Variants in DSCAM observed in about 807,000 individuals in gnomAD.
DSCAM encodes the protein cell adhesion molecule DSCAM.
DSCAM carries 47 observed loss-of-function variants against 217.7 expected under a neutral mutation model. That is an observed-to-expected ratio of 0.22 (90% confidence interval 0.17 to 0.28). The LOEUF (loss-of-function observed/expected upper bound fraction) is 0.28. Ranked by LOEUF, DSCAM falls within the 10% of genes least tolerant of loss-of-function variation. DSCAM has a pLI of 1.00. For synonymous variants in DSCAM, 1,056 were observed against 1,015.3 expected (o/e 1.04, Z -0.76); for missense variants, 2,080 against 2,618.3 (o/e 0.79, Z 4.49).
chr21:40,352,477 T>C (rs763560362), intron 5 of DSCAM, among the ~76,000 whole-genome samples: 4 of 152,152 alleles, frequency 2.6e-5, no homozygotes, highest in Non-Finnish European at 4.4e-5. Flanking sequence ...GTCATTTGGA[T>C]ATTTAATATA....
intron 1 of DSCAM, among the ~76,000 whole-genome samples, chr21:40,766,132 C>T (rs2091386381): frequency 6.6e-6 from 1 of 152,092 alleles, no homozygotes; most frequent in Non-Finnish European, 1.5e-5. Flanking sequence ...GCTCCGTCAA[C>T]TAGCAAAAGG....
chr21:40,714,485 C>A (rs2090819052), intron 1 of DSCAM, among the ~76,000 whole-genome samples: 1 of 152,166 alleles, frequency 6.6e-6, no homozygotes. Flanking sequence ...GGTTTCTTAT[C>A]CAGCTTTAAA....
intron 16 of DSCAM, among the ~76,000 whole-genome samples, chr21:40,158,866 T>G (rs1378559100): frequency 3.9e-5 from 6 of 152,236 alleles, no homozygotes; most frequent in Admixed American, 3.9e-4. Flanking sequence ...TTACAGGAAT[T>G]GAAAGAATTT....
intron 3 of DSCAM, among the ~76,000 whole-genome samples, chr21:40,382,631 G>A (rs62223809): frequency 0.032 from 4,804 of 152,208 alleles, 108 homozygotes; most frequent in African/African-American, 0.059. Flanking sequence ...ACAAGAACAC[G>A]CAAGGGTAGA....
At chr21:40,125,437 A>C (rs1377582992) in intron 19 of DSCAM, among the ~76,000 whole-genome samples, 1 of 152,222 alleles carries the variant, frequency 6.6e-6, no homozygotes, top group East Asian at 1.9e-4. Context: ...GGAGACATTG[A>C]AATTCAAACC....
At chr21:40,354,658 G>A (rs1439201999) in intron 4 of DSCAM, among the ~76,000 whole-genome samples, 1 of 151,922 alleles carries the variant, frequency 6.6e-6, no homozygotes, top group Admixed American at 6.5e-5. Context: ...GACCATCCCG[G>A]CTAACACGGT....
intron 16 of DSCAM, among the ~76,000 whole-genome samples, chr21:40,149,768 T>C (rs1253055321): frequency 7.0e-6 from 1 of 143,282 alleles, no homozygotes; most frequent in Admixed American, 7.0e-5. Flanking sequence ...TCCATCACTA[T>C]CCCAACACCA....
intron 11 of DSCAM, among the ~76,000 whole-genome samples, chr21:40,195,303 A>T (rs1400965880): frequency 6.6e-6 from 1 of 152,230 alleles, no homozygotes; most frequent in Non-Finnish European, 1.5e-5. Flanking sequence ...ATACATTTTT[A>T]TGGTTTTTGT....
intron 2 of DSCAM, among the ~76,000 whole-genome samples, chr21:40,699,504 AT>A (rs1310657678): frequency 6.6e-6 from 1 of 152,256 alleles, no homozygotes; most frequent in Admixed American, 6.5e-5. Context: ...CCTTTTGTGC[AT>A]TTAGCCGAGT....
intron 3 of DSCAM, among the ~76,000 whole-genome samples, chr21:40,595,504 A>T (rs1301051319): frequency 6.6e-6 from 1 of 151,714 alleles, no homozygotes; most frequent in Admixed American, 6.6e-5. Context: ...AGCCATCTCT[A>T]TTCGAAGGTG....
At chr21:40,823,995 A>G (rs980437345) in intron 1 of DSCAM, among the ~76,000 whole-genome samples, 5 of 152,232 alleles carry the variant, frequency 3.3e-5, no homozygotes, top group African/African-American at 1.2e-4. Context: ...CAGTAATTAA[A>G]CACACAAGGC....
At chr21:40,189,351 A>G (rs1314112886) in intron 11 of DSCAM, 113 bp from the exon 12 acceptor site, 8 of 915,270 alleles carry the variant, frequency 8.7e-6, no homozygotes, top group Non-Finnish European at 9.3e-6. Context: ...AATGAAATTT[A>G]TTCAAGAAAC....
intron 24 of DSCAM, among the ~76,000 whole-genome samples, chr21:40,080,711 C>T (rs2089443254): frequency 6.6e-6 from 1 of 152,144 alleles, no homozygotes; most frequent in Non-Finnish European, 1.5e-5. Flanking sequence ...GTTATTTTTG[C>T]AAGACACTCG....
At chr21:40,333,371 CGATT>C (rs1186038702) in intron 8 of DSCAM, among the ~76,000 whole-genome samples, 2 of 152,008 alleles carry the variant, frequency 1.3e-5, no homozygotes, top group East Asian at 1.9e-4. Flanking sequence ...ACTGATCGAT[CGATT>C]GATTGATTGA....
rs1465666155 is a variant in DSCAM at position 40,144,256 on chromosome 21, A to G, written c.3259+235T>C. Among the ~76,000 whole-genome samples, 7 of 152,210 alleles carry G rather than the reference A, an allele frequency of 4.6e-5. No homozygotes were observed. The highest frequency in any genetic ancestry group is 4.6e-4 in the Admixed American group (7 of 15,282). ...ATTCTTGTACCTGAAATGAATGAGG[A>G]AGAGTCTGAAAAGGGAGGGACTTGC... is the stretch of plus-strand genomic sequence containing the variant. On this transcript the variant is annotated intron_variant, in intron 17 of 32. Coordinates refer to ENST00000400454, the MANE Select transcript of DSCAM (RefSeq NM_001389.5). The surrounding 1 kb of genome is among the most constrained non-coding windows in gnomAD (Gnocchi z 4.8).
rs2073299409 is a variant in DSCAM, at chr21:40,251,201, G to A, written c.2356+24896C>T. On this transcript the variant is annotated intron_variant, in intron 11 of 32. Coordinates refer to ENST00000400454, the MANE Select transcript of DSCAM (RefSeq NM_001389.5). The stretch of plus-strand genomic sequence containing the variant: ...GTTACTGGGCTGGCCATGTGATAGA[G>A]AGTGCAGACCACTAAAAGGCACATA... Among the ~76,000 whole-genome samples the A allele has an allele frequency of 1.3e-5, 2 of 152,244 alleles. 1 individual carries two copies.
chr21:40,694,779 G>A (rs1206665772), intron 2 of DSCAM, among the ~76,000 whole-genome samples: 1 of 151,938 alleles, frequency 6.6e-6, no homozygotes, highest in Non-Finnish European at 1.5e-5. Flanking sequence ...ACACCGAGAG[G>A]AGGGAACTGA....
chr21:40,771,524 T>A (rs2091445076), intron 1 of DSCAM, among the ~76,000 whole-genome samples: 1 of 152,174 alleles, frequency 6.6e-6, no homozygotes, highest in South Asian at 2.1e-4. Context: ...GGGGGAAGGC[T>A]TCCGGACCAG....
intron 3 of DSCAM, among the ~76,000 whole-genome samples, chr21:40,482,917 G>A (rs1464184195): frequency 6.6e-6 from 1 of 152,196 alleles, no homozygotes; most frequent in African/African-American, 2.4e-5. Flanking sequence ...CTATCAGGGA[G>A]GCTAATGACA....
Sources: gnomAD v4.1 joint callset for allele counts (sites outside exome capture counted in the v4.1 genomes callset) on GRCh38, gnomAD v4.1.1 for gene constraint, Gnocchi (gnomAD v3.1) non-coding constraint, MANE v1.5 for transcripts, NCBI Gene and HGNC (gene_info 2026-07-23, HGNC 2026-07-21) for gene names.